The following TRRAP variants were observed in gnomAD, a reference collection of about 807,000 sequenced individuals.
TRRAP encodes transformation/transcription domain associated protein, also known as transformation/transcription domain-associated protein.
In TRRAP, 41 loss-of-function variants were observed where a neutral mutation model predicts 438.8. The observed-to-expected ratio is 0.09, with a 90% confidence interval of 0.07 to 0.12. The LOEUF is 0.12. TRRAP is among the 10% of genes least tolerant of loss of function. The pLI is 1.00. For synonymous variants in TRRAP, 1,994 were observed against 1,962.9 expected (o/e 1.02, Z -0.42); for missense variants, 3,122 against 5,055.1 (o/e 0.62, Z 11.60).
At chr7:98,886,484 A>G (rs1335764248) in intron 3 of TRRAP, among the ~76,000 whole-genome samples, 4 of 152,182 alleles carry the variant, frequency 2.6e-5, no homozygotes, top group African/African-American at 9.7e-5. Flanking sequence ...AGATAGATAT[A>G]GATATCTAGA....
chr7:98,899,577 A>G, intron 9 of TRRAP, 78 bp downstream of exon 9: 12 of 1,599,134 alleles, frequency 7.5e-6, no homozygotes, highest in Non-Finnish European at 1.0e-5. Context: ...AAAGATGTGT[A>G]TAATACACAC....
At chr7:98,993,862 T>TAACCATGGACCAGGC in intron 66 of TRRAP, 125 bp downstream of exon 66, 3 of 948,086 alleles carry the variant, frequency 3.2e-6, no homozygotes, top group Non-Finnish European at 4.8e-6. Context: ...TTGTTGAACT[T>TAACCATGGACCAGGC]AACCATGGAC....
At chr7:98,906,420 T>G (rs1796736470) in intron 13 of TRRAP, among the ~76,000 whole-genome samples, 165 bp downstream of exon 13, 1 of 150,658 alleles carries the variant, frequency 6.6e-6, no homozygotes, top group Non-Finnish European at 1.5e-5. Context: ...ATTTATTTAT[T>G]TATTTATTTA....
At chr7:98,949,638 C>T in intron 36 of TRRAP, 22 bp from the exon 37 acceptor site, 1 of 1,603,424 alleles carries the variant, frequency 6.2e-7, no homozygotes, top group Non-Finnish European at 8.5e-7. Context: ...ACACGGTTCC[C>T]TAATTATCTC....
intron 40 of TRRAP, 52 bp downstream of exon 40, chr7:98,953,485 TG>T (rs781882164): frequency 5.0e-5 from 80 of 1,589,228 alleles, no homozygotes; most frequent in Non-Finnish European, 6.4e-5. Context: ...TCTCACATGG[TG>T]CACTTGGCTC....
intron 1 of TRRAP, among the ~76,000 whole-genome samples, chr7:98,879,416 G>T (rs545159549): frequency 2.0e-5 from 3 of 152,122 alleles, no homozygotes; most frequent in Non-Finnish European, 4.4e-5. Context: ...CCCTGGGATG[G>T]GGATGGGCAG....
chr7:98,922,021 A>G, intron 21 of TRRAP, 68 bp downstream of exon 21: 1 of 1,597,948 alleles, frequency 6.3e-7, no homozygotes, highest in Admixed American at 1.7e-5. Flanking sequence ...TCTATGTGAA[A>G]TGTTAATTAG....
At chr7:98,995,656 C>G (rs1003292455) in intron 67 of TRRAP, among the ~76,000 whole-genome samples, 5 of 149,348 alleles carry the variant, frequency 3.3e-5, no homozygotes, top group African/African-American at 1.2e-4. Context: ...ATCCCCCCCC[C>G]ACCATCTACA....
intron 56 of TRRAP, among the ~76,000 whole-genome samples, chr7:98,977,714 A>G (rs542822787): frequency 5.3e-5 from 8 of 152,158 alleles, no homozygotes; most frequent in Non-Finnish European, 1.5e-5. Flanking sequence ...CCACCATTTC[A>G]GGGTGCAATT....
intron 62 of TRRAP, among the ~76,000 whole-genome samples, chr7:98,987,455 A>G (rs1793202446): frequency 6.6e-6 from 1 of 152,154 alleles, no homozygotes; most frequent in Non-Finnish European, 1.5e-5. Context: ...ATTCCTCAAT[A>G]TTGTCACGTG....
In TRRAP at chr7:98,978,899, G is replaced by T. The variant is rs765507339; in HGVS notation, c.8629G>T (p.Val2877Leu). The T allele has an allele frequency of 1.2e-6, 2 of 1,613,852 alleles. No individual in the cohort carries two copies. The highest frequency in any genetic ancestry group is 1.7e-6 in the Non-Finnish European group (2 of 1,180,044). The stretch of plus-strand genomic sequence containing the variant: ...CTGGACTGCCATGAAGGAGGCGCTG[G>T]TGCAGGTGAGACGCCCCGGGGGCAT... ...SNWTAMKEAL[V>L]QVEVSCPKEM... is the part of the protein sequence containing the mutation. The change falls in exon 58 of 73, where the codon GTG becomes TTG. Residue 2877 changes from valine (V) to leucine (L), a missense_variant. Physicochemically the swap from Val to Leu is conservative, Grantham distance 32 (BLOSUM62 1). Coordinates refer to ENST00000456197, the MANE Select transcript of TRRAP (RefSeq NM_001375524.1).
At chr7:98,915,234 C>T (rs1202947989) in intron 18 of TRRAP, among the ~76,000 whole-genome samples, 1 of 151,850 alleles carries the variant, frequency 6.6e-6, no homozygotes, top group Non-Finnish European at 1.5e-5. Context: ...CTCTTGTTGT[C>T]CAGGCTGGAG....
chr7:98,991,339 G>A (rs1278900264), intron 64 of TRRAP, among the ~76,000 whole-genome samples: 2 of 152,200 alleles, frequency 1.3e-5, no homozygotes, highest in Non-Finnish European at 2.9e-5. Context: ...AGCTGGGCCC[G>A]CGCGTTCTGC....
intron 63 of TRRAP, among the ~76,000 whole-genome samples, chr7:98,989,321 T>C (rs219820): frequency 0.3 from 45,470 of 152,142 alleles, 11,215 homozygotes; most frequent in African/African-American, 0.68. Context: ...TGCAGGGCTG[T>C]TGTCAGCACA....
chr7:98,971,195 T>G (rs1792402489), intron 52 of TRRAP, among the ~76,000 whole-genome samples: 1 of 152,240 alleles, frequency 6.6e-6, no homozygotes, highest in Non-Finnish European at 1.5e-5. Flanking sequence ...CTAGATTACC[T>G]GGTCATTTGG....
rs537188723 is a variant in TRRAP at position 98,955,555 on chromosome 7, G to A, written c.5937+251G>A. Among the ~76,000 whole-genome samples, 80 of 152,304 alleles carry A rather than the reference G, an allele frequency of 5.3e-4. 1 individual carries two copies. Among genetic ancestry groups the A allele is most frequent in the African/African-American group, 1.8e-3 (76 of 41,566 alleles). Reference sequence around the variant, plus strand: ...ATTTCTGTTGTAAGTACTGTGCCCAGTTAACCCTTGTATGCTGCTAAGTTT... The same window carrying A: ...ATTTCTGTTGTAAGTACTGTGCCCAATTAACCCTTGTATGCTGCTAAGTTT... On this transcript the variant is annotated intron_variant, in intron 41 of 72. Transcript: ENST00000456197.
chr7:98,895,880 G>T, intron 7 of TRRAP, 60 bp downstream of exon 7: 1 of 1,396,062 alleles, frequency 7.2e-7, no homozygotes, highest in South Asian at 1.3e-5. Context: ...ATTCCAAAAA[G>T]ACTTTAGAAC....
Position 98,981,945 on chromosome 7 carries a change from C to T in TRRAP, c.8811C>T (p.His2937=). Residue 2937 remains histidine, a synonymous_variant, in exon 59 of 73, where the codon CAC becomes CAT. Coordinates refer to ENST00000456197, the MANE Select transcript of TRRAP (RefSeq NM_001375524.1). ...TGCCCCACGTAGTGTCCCACGTGCA[C>T]ACGCCTCTCCTACAGGTGCGTGCGG... ...RRLPHVVSHV[H]TPLLQAAQQI... 6.3e-7 allele frequency: 1 copy of T among 1,599,074 alleles called. No individual in the cohort carries two copies. Among genetic ancestry groups the T allele is most frequent in the South Asian group, 1.1e-5 (1 of 89,524 alleles).
intron 30 of TRRAP, among the ~76,000 whole-genome samples, 160 bp from the exon 31 acceptor site, chr7:98,942,789 C>T (rs1790856566): frequency 6.6e-6 from 1 of 152,182 alleles, no homozygotes; most frequent in Non-Finnish European, 1.5e-5. Context: ...GAACAAATGC[C>T]AGTTATTCTC....
Sources: allele counts gnomAD v4.1 joint callset (sites outside exome capture counted in the v4.1 genomes callset), GRCh38; gene constraint gnomAD v4.1.1; transcripts MANE v1.5; gene names NCBI Gene and HGNC (gene_info 2026-07-23, HGNC 2026-07-21).